FER1L6: variants seen among roughly 807,000 people sequenced by gnomAD.
The protein encoded by FER1L6 is fer-1 like family member 6, also known as fer-1-like protein 6.
A neutral mutation model predicts 219.2 loss-of-function variants in FER1L6; 177 were observed. That is an observed-to-expected ratio of 0.81 (90% CI 0.71 to 0.91). The LOEUF is 0.91. FER1L6 is among the 40% of genes least tolerant of loss of function. The probability of loss-of-function intolerance (pLI) is 0.00; values close to 1 mark genes in which losing one functional copy is unlikely to be tolerated. For synonymous variants in FER1L6, 768 were observed against 824.3 expected, an observed-to-expected ratio of 0.93 and a Z score of 1.17; for missense variants, 2,153 against 2,259.9, an observed-to-expected ratio of 0.95 and a Z score of 0.96.
At chr8:123,855,058 C>A (rs373710252) in intron 1 of FER1L6, among the ~76,000 whole-genome samples, 3 of 152,182 alleles carry the variant, frequency 2.0e-5, no homozygotes, top group Non-Finnish European at 4.4e-5. Context: ...CCTCTTCAAT[C>A]GGCCCTGGGT....
At chr8:123,865,652 C>G (rs1816823184) in intron 1 of FER1L6, among the ~76,000 whole-genome samples, 1 of 151,288 alleles carries the variant, frequency 6.6e-6, no homozygotes, top group African/African-American at 2.5e-5. Context: ...GCGTAGGACC[C>G]TCCGAGCCAG....
chr8:124,077,582 C>T (rs971622531), intron 32 of FER1L6, among the ~76,000 whole-genome samples: 8 of 152,202 alleles, frequency 5.3e-5, no homozygotes, highest in Admixed American at 5.2e-4. Flanking sequence ...TGACCTTTAT[C>T]GTCACCTGCC....
chr8:124,065,102 T>G (rs973388258), intron 26 of FER1L6, among the ~76,000 whole-genome samples: 8 of 151,992 alleles, frequency 5.3e-5, no homozygotes, highest in Non-Finnish European at 1.0e-4. Flanking sequence ...ATTTTAAGAA[T>G]GTCTTAAGGG....
chr8:123,954,667 G>A lies in FER1L6; in HGVS notation c.-7-1325G>A, dbSNP rs112813591. On this transcript the variant is annotated intron_variant, in intron 1 of 40. Transcript: ENST00000522917. ...ACATGAGGACCCTGAAGTTTAGAGA[G>A]ACTAAGTGACCTGTTCAAAGTTGCA... 9.3e-3 allele frequency among the ~76,000 whole-genome samples: 1,410 copies of A among 152,260 alleles called. 27 individuals carry two copies. The highest frequency in any genetic ancestry group is 0.033 in the African/African-American group (1,354 of 41,542).
chr8:124,038,813 G>A (rs1184706748), intron 19 of FER1L6, among the ~76,000 whole-genome samples: 1 of 152,176 alleles, frequency 6.6e-6, no homozygotes, highest in Non-Finnish European at 1.5e-5. Flanking sequence ...ATTTAACTAA[G>A]TAGCGTTATT....
rs892267628 is a variant in FER1L6 at position 123,915,215 on chromosome 8, G to A, written c.-7-40777G>A. The stretch of plus-strand genomic sequence containing the variant: ...TTGAGGTCTTTCAATTCTTTTGCAG[G>A]AATGATGTCCATTGGCCTCACTCAC... On this transcript the variant is annotated intron_variant, in intron 1 of 40. Transcript: ENST00000522917. 1.1e-4 allele frequency among the ~76,000 whole-genome samples: 17 copies of A among 152,164 alleles called. 1 individual carries two copies. Among genetic ancestry groups the A allele is most frequent in the Admixed American group, 9.8e-4 (15 of 15,292 alleles).
chr8:123,995,267 T>A, intron 12 of FER1L6, among the ~76,000 whole-genome samples: 1 of 152,244 alleles, frequency 6.6e-6, no homozygotes, highest in East Asian at 1.9e-4. Context: ...TTTCTTTAAA[T>A]GTTTGGTGAA....
intron 33 of FER1L6, among the ~76,000 whole-genome samples, chr8:124,083,628 T>C (rs1821671629): frequency 6.6e-6 from 1 of 152,134 alleles, no homozygotes; most frequent in Non-Finnish European, 1.5e-5. Context: ...AAAAGATTTA[T>C]GTGTCTGTTG....
rs190427145 is a variant in FER1L6 at position 124,061,832 on chromosome 8, A to C, written c.3148-20A>C. The C allele has an allele frequency of 1.5e-3, 2,453 of 1,612,092 alleles. 54 individuals carry two copies. In the South Asian group the frequency reaches 0.023, roughly 15 times the overall value. On this transcript the variant is annotated intron_variant, in intron 24 of 40. Coordinates refer to ENST00000522917, the MANE Select transcript of FER1L6 (RefSeq NM_001039112.2). ...GGAAGGGTCACCAGGCCCCTTCTTC[A>C]TCTCATCCTCTCTCTGCAGGAACTG... is the stretch of plus-strand genomic sequence containing the variant.
chr8:123,879,631 A>G (rs1038978274), intron 1 of FER1L6, among the ~76,000 whole-genome samples: 31 of 151,142 alleles, frequency 2.1e-4, no homozygotes, highest in Admixed American at 2.0e-3. Context: ...GGCCGGAGTC[A>G]ATATTATTTA....
chr8:123,960,753 T>C (rs1815236225), intron 2 of FER1L6, among the ~76,000 whole-genome samples: 1 of 152,128 alleles, frequency 6.6e-6, no homozygotes, highest in South Asian at 2.1e-4. Context: ...AGGATACATG[T>C]GATTGCAATT....
Position 124,094,979 on chromosome 8 carries a change from G to C in FER1L6, c.4636G>C (p.Val1546Leu), listed in dbSNP as rs1412962605. ...EDIPEVGCRL[V>L]PEHIETRPLY... ...TATCCCGGAAGTCGGGTGTAGGCTG[G>C]TTCCTGAACACATAGAAACTCGGCC... Residue 1546 changes from valine to leucine, a missense_variant, in exon 35 of 41, where the codon GTT (valine) becomes CTT (leucine). Val to Leu is a conservative substitution (Grantham distance 32). Transcript: ENST00000522917. 6.2e-7 allele frequency: 1 copy of C among 1,613,962 alleles called. No individual in the cohort carries two copies. The highest frequency in any genetic ancestry group is 1.3e-5 in the African/African-American group (1 of 74,902).
intron 1 of FER1L6, among the ~76,000 whole-genome samples, chr8:123,921,396 A>G (rs1359716613): frequency 6.6e-6 from 1 of 151,852 alleles, no homozygotes; most frequent in Non-Finnish European, 1.5e-5. Context: ...ACAGGATTTT[A>G]CTCTGTCGTC....
intron 1 of FER1L6, among the ~76,000 whole-genome samples, chr8:123,866,353 T>C (rs1158920318): frequency 6.6e-6 from 1 of 151,846 alleles, no homozygotes; most frequent in African/African-American, 2.4e-5. Flanking sequence ...AAAATATGTA[T>C]ATATATACAC....
At chr8:123,932,919 A>T (rs1260801285) in intron 1 of FER1L6, among the ~76,000 whole-genome samples, 1 of 152,238 alleles carries the variant, frequency 6.6e-6, no homozygotes, top group Admixed American at 6.5e-5. Flanking sequence ...GGAGACAGAC[A>T]GGTAAAAGGG....
intron 1 of FER1L6, among the ~76,000 whole-genome samples, chr8:123,934,958 G>C (rs1813925851): frequency 2.0e-5 from 3 of 152,046 alleles, no homozygotes; most frequent in Admixed American, 1.3e-4. Context: ...GTTTCCTGAG[G>C]CCTTCCAGTC....
chr8:123,942,446 T>C (rs1465728277), intron 1 of FER1L6, among the ~76,000 whole-genome samples: 1 of 152,256 alleles, frequency 6.6e-6, no homozygotes, highest in Non-Finnish European at 1.5e-5. Flanking sequence ...TGGGACTGCC[T>C]TGGCCATGTG....
In FER1L6 at chr8:124,064,425, A is replaced by G; in HGVS notation, c.3407A>G (p.Tyr1136Cys). The G allele has an allele frequency of 1.2e-6, 2 of 1,613,862 alleles. No individual in the cohort carries two copies. Among genetic ancestry groups the G allele is most frequent in the Non-Finnish European group, 1.7e-6 (2 of 1,179,940 alleles). ...CAGGATCCCCCAGCAGATCACATTT[A>G]TGTGGATGTTGAGCCACCTCCCACA... ...SSQDPPADHI[Y>C]VDVEPPPTVV... The change falls in exon 26 of 41, where the codon TAT becomes TGT. Residue 1136 changes from tyrosine (Y) to cysteine (C), a missense_variant. By Grantham distance (194) the Tyr-to-Cys change is radical. Transcript: ENST00000522917.
chr8:124,119,197 T>C (rs940792840), intron 40 of FER1L6, among the ~76,000 whole-genome samples: 3 of 152,166 alleles, frequency 2.0e-5, no homozygotes, highest in African/African-American at 7.2e-5. Flanking sequence ...AAAATAGTTG[T>C]CAGAGCGTAG....
Sources: allele counts gnomAD v4.1 joint callset (sites outside exome capture counted in the v4.1 genomes callset), GRCh38; gene constraint gnomAD v4.1.1; transcripts MANE v1.5; gene names NCBI Gene and HGNC (gene_info 2026-07-23, HGNC 2026-07-21).